IDH3G: variants seen among roughly 807,000 people sequenced by gnomAD.
The protein encoded by IDH3G is isocitrate dehydrogenase [NAD] subunit gamma, mitochondrial.
Under a neutral mutation model 26.9 loss-of-function variants are expected in IDH3G, and 9 were observed. That is an observed-to-expected ratio of 0.34 (90% CI 0.20 to 0.58). The LOEUF is 0.58. Among genes scored for constraint, IDH3G ranks in the 20% least tolerant of loss-of-function variants. The pLI, the probability that IDH3G is intolerant of heterozygous loss-of-function variation, is 0.85. For missense variants in IDH3G, 250 were observed against 372.8 expected (o/e 0.67, Z 2.71); for synonymous variants, 181 against 160.0 (o/e 1.13, Z -0.99).
At position 153,786,762 on chromosome X, in the gene IDH3G, A is replaced by G. The variant is rs782560652; in HGVS notation, c.924+39T>C. ...GTGCCTCACTAAGTCTGTGAACAGG[A>G]GAAAGGCGGCAAGCCGCGGCACTGC... is the stretch of plus-strand genomic sequence containing the variant. On this transcript the variant is annotated intron_variant, in intron 10 of 12. Coordinates refer to ENST00000217901, the MANE Select transcript of IDH3G (RefSeq NM_004135.4). 2.2e-5 allele frequency: 26 copies of G among 1,184,668 alleles called. 1 individual carries two copies. The South Asian group carries it at 4.7e-4, about 22-fold the overall frequency.
intron 4 of IDH3G, 135 bp downstream of exon 4, chrX:153,790,060 T>C: frequency 7.4e-6 from 4 of 543,139 alleles, no homozygotes; most frequent in East Asian, 3.5e-5. Context: ...TCACAGGCCA[T>C]GGGACGCAAG....
At position 153,786,957 on chromosome X, in the gene IDH3G, A is replaced by G. The variant is rs782576072; in HGVS notation, c.778-10T>C. On this transcript the variant is annotated splice_polypyrimidine_tract_variant and intron_variant, in intron 9 of 12. Coordinates refer to ENST00000217901, the MANE Select transcript of IDH3G (RefSeq NM_004135.4). Reference sequence around the variant, plus strand: ...GGGGCCGGGACACCAGCTGCGGGACAAGGAGGGGGCTGGCTGAGGAGCAGA... The same window carrying G: ...GGGGCCGGGACACCAGCTGCGGGACGAGGAGGGGGCTGGCTGAGGAGCAGA... 23 of 1,204,729 alleles carry G rather than the reference A, an allele frequency of 1.9e-5. No individual in the cohort carries two copies. In the Middle Eastern group the frequency reaches 2.3e-3, roughly 121 times the overall value.
At chrX:153,790,528 G>A in intron 3 of IDH3G, 36 bp downstream of exon 3, 1 of 1,181,709 alleles carries the variant, frequency 8.5e-7, no homozygotes, top group Middle Eastern at 2.3e-4. Flanking sequence ...GCAACTAAGA[G>A]CCCCCCAAAC....
intron 1 of IDH3G, among the ~76,000 whole-genome samples, chrX:153,791,804 C>T (rs1488278838): frequency 3.6e-5 from 4 of 112,316 alleles, no homozygotes; most frequent in African/African-American, 6.5e-5. Flanking sequence ...CTGACCTCTC[C>T]CTGTCTGTGT....
chrX:153,790,847 A>G lies in IDH3G; in HGVS notation c.86T>C (p.Leu29Pro), dbSNP rs782384230. Residue 29 changes from leucine (L) to proline (P), a missense_variant, in exon 2 of 13, where the codon CTA becomes CCA. Leu to Pro is a moderately conservative substitution (Grantham distance 98). Coordinates refer to ENST00000217901, the MANE Select transcript of IDH3G (RefSeq NM_004135.4). ...PALLCRPWEV[L>P]GAHEVPSRNI... ...CCTCGAGGGGACCTCGTGGGCGCCT[A>G]GAACCTGGCAGAGACCAAATGCCAG... is the stretch of plus-strand genomic sequence containing the variant. 1 of 1,205,544 alleles carries G rather than the reference A, an allele frequency of 8.3e-7. No homozygotes were observed.
chrX:153,786,832 T>G lies in IDH3G; in HGVS notation c.893A>C (p.Asn298Thr). Reference protein sequence around the residue: ...VGGPGLVAGANYGHVYAVFET... With the variant: ...VGGPGLVAGATYGHVYAVFET... Reference sequence around the variant, plus strand: ...AAACACCGCGTACACATGGCCATAGTTGGCCCCAGCCACAAGGCCTGGGCC... The same window carrying G: ...AAACACCGCGTACACATGGCCATAGGTGGCCCCAGCCACAAGGCCTGGGCC... Residue 298 changes from asparagine to threonine, a missense_variant, in exon 10 of 13, where the codon AAC (asparagine) becomes ACC (threonine). This residue lies in a region of IDH3G where 201 missense variants were observed against 331.3 expected (regional missense o/e 0.61). Transcript: ENST00000217901. The G allele has an allele frequency of 8.3e-7, 1 of 1,209,874 alleles. No individual in the cohort carries two copies. The highest frequency in any genetic ancestry group is 1.1e-6 in the Non-Finnish European group (1 of 894,093).
At chrX:153,789,664 A>C in intron 5 of IDH3G, 48 bp downstream of exon 5, 2 of 740,963 alleles carry the variant, frequency 2.7e-6, no homozygotes, top group Non-Finnish European at 2.0e-6. Flanking sequence ...AAAGCAAGAA[A>C]GAAATCACAC....
Position 153,787,788 on chromosome X carries a change from G to A in IDH3G, c.540+35C>T, listed in dbSNP as rs782377227. On this transcript the variant is annotated intron_variant, in intron 7 of 12. Transcript: ENST00000217901. ...CTTAAGCTCTCCCCTTAATCTTGAC[G>A]CTGGGGGGGCTCATCTCGGGCCCCC... is the stretch of plus-strand genomic sequence containing the variant. 28 of 1,189,633 alleles carry A rather than the reference G, an allele frequency of 2.4e-5. No homozygotes were observed. The Admixed American group carries it at 4.2e-4, about 18-fold the overall frequency.
At chrX:153,789,238 C>G (rs890295229) in intron 5 of IDH3G, 2 of 340,552 alleles carry the variant, frequency 5.9e-6, no homozygotes, top group Non-Finnish European at 1.2e-5. Context: ...AGAGTCAGCT[C>G]AGAGGGAGGT....
Position 153,790,851 on chromosome X carries a change from C to T in IDH3G, c.82G>A (p.Val28Ile), listed in dbSNP as rs1557070349. 10 of 1,205,538 alleles carry T rather than the reference C, an allele frequency of 8.3e-6. No homozygotes were observed. Among genetic ancestry groups the T allele is most frequent in the Admixed American group, 6.6e-5 (3 of 45,569 alleles). The stretch of plus-strand genomic sequence containing the variant: ...GAGGGGACCTCGTGGGCGCCTAGAA[C>T]CTGGCAGAGACCAAATGCCAGCGGT... Reference protein sequence around the residue: ...GPALLCRPWEVLGAHEVPSRN... With the variant: ...GPALLCRPWEILGAHEVPSRN... The change falls in exon 2 of 13, where the codon GTT becomes ATT. Residue 28 changes from valine to isoleucine, a missense_variant and splice_region_variant. Val to Ile is a conservative substitution (Grantham distance 29). Around this residue, in one of 2 missense-constraint regions of IDH3G, gnomAD observed 49 missense variants for 41.5 expected, o/e 1.18. Coordinates refer to ENST00000217901, the MANE Select transcript of IDH3G (RefSeq NM_004135.4).
intron 10 of IDH3G, 122 bp downstream of exon 10, chrX:153,786,679 G>C (rs1339628066): frequency 1.2e-6 from 1 of 856,026 alleles, no homozygotes; most frequent in African/African-American, 2.0e-5. Flanking sequence ...TACAACCCTG[G>C]ATATCCAAAA....
Position 153,794,309 on chromosome X carries a change from C to A in IDH3G, c.18G>T (p.Ala6=). ...CCTTCGCGGCGCTGCCGGCGACGGT[C>A]GCTACCTTCAGCGCCATGACGGAAA... MALKV[A]TVAGSAAKAV... Residue 6 remains alanine (A), a synonymous_variant, in exon 1 of 13, where the codon GCG becomes GCT. Transcript: ENST00000217901. 8.3e-7 allele frequency: 1 copy of A among 1,198,125 alleles called. No homozygotes were observed. The highest frequency in any genetic ancestry group is 1.8e-5 in the South Asian group (1 of 56,134).
intron 7 of IDH3G, 78 bp from the exon 8 acceptor site, chrX:153,787,675 C>T (rs2092094459): frequency 8.6e-7 from 1 of 1,158,873 alleles, no homozygotes; most frequent in Non-Finnish European, 1.2e-6. Flanking sequence ...GCGACCGGGC[C>T]ACCGTGGGAA....
At chrX:153,786,128 G>A in intron 12 of IDH3G, 84 bp downstream of exon 12, 1 of 1,198,807 alleles carries the variant, frequency 8.3e-7, no homozygotes, top group Non-Finnish European at 1.1e-6. Flanking sequence ...CCTGGGGGCT[G>A]TGGTCAGTGC....
chrX:153,787,803 C>T lies in IDH3G; in HGVS notation c.540+20G>A, dbSNP rs370789322. The T allele has an allele frequency of 4.2e-6, 5 of 1,197,307 alleles. No individual in the cohort carries two copies. Among genetic ancestry groups the T allele is most frequent in the Non-Finnish European group, 5.7e-6 (5 of 884,364 alleles). On this transcript the variant is annotated intron_variant, in intron 7 of 12. Coordinates refer to ENST00000217901, the MANE Select transcript of IDH3G (RefSeq NM_004135.4). ...TAATCTTGACGCTGGGGGGGCTCAT[C>T]TCGGGCCCCCCATGCACACCTCATG...
chrX:153,787,883 G>A lies in IDH3G; in HGVS notation c.480C>T (p.Asp160=). The change falls in exon 7 of 13, where the codon GAC becomes GAT. Residue 160 remains aspartate (D), a synonymous_variant. Coordinates refer to ENST00000217901, the MANE Select transcript of IDH3G (RefSeq NM_004135.4). ...SLPGVVTRHK[D]IDILIVRENT... is the part of the protein sequence containing the mutation. Reference sequence around the variant, plus strand: ...TCTCCCGGACAATGAGGATGTCTATGTCCTTGTGCCGGGTCACCACGCCTG... The same window carrying A: ...TCTCCCGGACAATGAGGATGTCTATATCCTTGTGCCGGGTCACCACGCCTG... The A allele has an allele frequency of 2.5e-6, 3 of 1,210,803 alleles. No homozygotes were observed. The highest frequency in any genetic ancestry group is 3.4e-6 in the Non-Finnish European group (3 of 894,427).
intron 10 of IDH3G, 100 bp from the exon 11 acceptor site, chrX:153,786,549 C>A (rs1420068370): frequency 1.4e-6 from 1 of 706,493 alleles, no homozygotes; most frequent in African/African-American, 2.1e-5. Flanking sequence ...TCCACAGGGA[C>A]AAAAGCCCAC....
In IDH3G at chrX:153,787,219, G is replaced by A. The variant is rs781823425; in HGVS notation, c.675-66C>T. ...CAACAGTCAGCCAGAGGGACGGGGC[G>A]TGCAGAGGGCCCCAGGAGGCTGGGG... On this transcript the variant is annotated intron_variant, in intron 8 of 12. Coordinates refer to ENST00000217901, the MANE Select transcript of IDH3G (RefSeq NM_004135.4). 80 of 898,249 alleles carry A rather than the reference G, an allele frequency of 8.9e-5. No individual in the cohort carries two copies. The Middle Eastern group carries it at 1.3e-3, about 14-fold the overall frequency. The allele number at this position is 898,249 out of a possible 1,213,427, so 74.0% of individuals were successfully genotyped here. A position where few individuals can be genotyped will look rare whatever the true frequency, so the allele number is the denominator to read the frequency against.
chrX:153,794,253 G>A lies in IDH3G; in HGVS notation c.74C>T (p.Pro25Leu), dbSNP rs1207204790. Reference protein sequence around the residue: ...AVLGPALLCRPWEVLGAHEVP... With the variant: ...AVLGPALLCRLWEVLGAHEVP... ...GGCTCTTTCCCTGCTCACCTCCCAG[G>A]GACGGCAGAGAAGGGCTGGCCCGAG... The change falls in exon 1 of 13, where the codon CCC becomes CTC. Residue 25 changes from proline to leucine, a missense_variant. Transcript: ENST00000217901. The A allele has an allele frequency of 2.3e-5, 28 of 1,194,860 alleles. No individual in the cohort carries two copies. The highest frequency in any genetic ancestry group is 3.0e-5 in the Non-Finnish European group (27 of 887,493).
Sources: gnomAD v4.1 joint callset for allele counts (sites outside exome capture counted in the v4.1 genomes callset) on GRCh38, gnomAD v4.1.1 for gene constraint, gnomAD v4.1.1 regional missense constraint, MANE v1.5 for transcripts, NCBI Gene and HGNC (gene_info 2026-07-23, HGNC 2026-07-21) for gene names.